Variants in PIR observed in about 807,000 individuals in gnomAD.
PIR encodes pirin, also known as pirin (iron-binding nuclear protein).
Under a neutral mutation model 24.2 loss-of-function variants are expected in PIR, and 22 were observed. The ratio of observed to expected loss-of-function variants is 0.91; its 90% CI spans 0.65 to 1.30. PIR has a LOEUF of 1.30. PIR is among the 50% of genes most tolerant of loss of function. The pLI is 0.00. For missense variants in PIR, 220 were observed against 220.3 expected (o/e 1.00, Z 0.01); for synonymous variants, 80 against 79.6 (o/e 1.00, Z -0.03).
At chrX:15,453,600 A>G (rs866704715) in intron 5 of PIR, among the ~76,000 whole-genome samples, 5 of 112,676 alleles carry the variant, frequency 4.4e-5, no homozygotes, top group Middle Eastern at 4.6e-3. Context: ...AAGACTGGTC[A>G]TTTACTTAGG....
chrX:15,401,200 G>T (rs1252381769), intron 7 of PIR, among the ~76,000 whole-genome samples: 5 of 108,896 alleles, frequency 4.6e-5, no homozygotes, highest in Non-Finnish European at 3.8e-5. Context: ...CCACAGGCAT[G>T]CACTACCATG....
At chrX:15,448,984 C>A (rs1197901116) in intron 5 of PIR, among the ~76,000 whole-genome samples, 1 of 112,161 alleles carries the variant, frequency 8.9e-6, no homozygotes, top group Non-Finnish European at 1.9e-5. Flanking sequence ...CAGGGAACTG[C>A]ATGATGTACA....
intron 3 of PIR, among the ~76,000 whole-genome samples, chrX:15,477,354 A>AT (rs1922247326): frequency 9.0e-6 from 1 of 111,640 alleles, no homozygotes; most frequent in East Asian, 2.8e-4. Context: ...GAATTAGAGA[A>AT]TACTAGACCA....
chrX:15,469,163 G>A (rs1921752767), intron 3 of PIR, among the ~76,000 whole-genome samples: 1 of 111,399 alleles, frequency 9.0e-6, no homozygotes, highest in African/African-American at 3.3e-5. Context: ...TTCAGATTGT[G>A]AAAGGTAAAA....
intron 3 of PIR, among the ~76,000 whole-genome samples, chrX:15,460,363 AATAG>A (rs1329258012): frequency 8.9e-6 from 1 of 112,086 alleles, no homozygotes; most frequent in Non-Finnish European, 1.9e-5. Context: ...TTGACCAATA[AATAG>A]ATAATGTGGT....
At chrX:15,481,962 C>T (rs1044846843) in intron 2 of PIR, among the ~76,000 whole-genome samples, 3 of 111,517 alleles carry the variant, frequency 2.7e-5, no homozygotes, top group African/African-American at 9.8e-5. Context: ...GCATTATGTT[C>T]TCATAGCCAA....
intron 6 of PIR, among the ~76,000 whole-genome samples, chrX:15,424,422 A>G (rs1052392844): frequency 3.7e-5 from 4 of 106,735 alleles, no homozygotes; most frequent in Non-Finnish European, 5.8e-5. Flanking sequence ...GGAGGGATAA[A>G]GAGAGATTGA....
chrX:15,448,838 T>A (rs1012513422), intron 5 of PIR, among the ~76,000 whole-genome samples: 1 of 112,088 alleles, frequency 8.9e-6, no homozygotes, highest in Non-Finnish European at 1.9e-5. Flanking sequence ...TTCTGGAGTA[T>A]CATGAGATTT....
At chrX:15,436,089 T>C (rs1023797109) in intron 5 of PIR, among the ~76,000 whole-genome samples, 4 of 112,391 alleles carry the variant, frequency 3.6e-5, no homozygotes, top group African/African-American at 1.3e-4. Flanking sequence ...AAAATGCCAA[T>C]GACTCTTTGT....
chrX:15,468,282 T>C (rs185794762), intron 3 of PIR, among the ~76,000 whole-genome samples: 4 of 112,697 alleles, frequency 3.5e-5, no homozygotes, highest in Non-Finnish European at 5.6e-5. Context: ...ATGCATGGCG[T>C]CTCTGCTTAA....
At chrX:15,444,226 C>T (rs937699305) in intron 5 of PIR, among the ~76,000 whole-genome samples, 5 of 112,065 alleles carry the variant, frequency 4.5e-5, no homozygotes, top group African/African-American at 1.6e-4. Context: ...CAGCAACCAC[C>T]ACTCTAATCA....
intron 3 of PIR, among the ~76,000 whole-genome samples, chrX:15,470,767 A>C (rs1459879848): frequency 9.2e-6 from 1 of 108,959 alleles, no homozygotes; most frequent in Non-Finnish European, 1.9e-5. Context: ...ACGCCCAGCT[A>C]ATTTTTTGTA....
chrX:15,408,775 G>A (rs1203736296), intron 6 of PIR, among the ~76,000 whole-genome samples: 2 of 112,043 alleles, frequency 1.8e-5, no homozygotes, highest in African/African-American at 3.2e-5. Context: ...GTCTCTGGAG[G>A]AGTCAGCGTG....
chrX:15,487,942 T>C (rs1361773630), intron 2 of PIR, among the ~76,000 whole-genome samples: 1 of 112,172 alleles, frequency 8.9e-6, no homozygotes, highest in African/African-American at 3.2e-5. Context: ...CCAAAGTTTA[T>C]GAGATATTTC....
Position 15,385,517 on chromosome X carries a change from T to C in PIR, c.761-401A>G, listed in dbSNP as rs766009955. Among the ~76,000 whole-genome samples the C allele has an allele frequency of 8.0e-5, 9 of 112,399 alleles. No individual in the cohort carries two copies. The South Asian group carries it at 3.0e-3, about 37-fold the overall frequency. ...AAGAACTGACAAATCTTATCATAGC[T>C]TTGGTGTCTAAGCAGCATATAAGGC... On this transcript the variant is annotated intron_variant, in intron 9 of 9. Transcript: ENST00000380420.
chrX:15,489,343 T>C (rs1027799908), intron 2 of PIR, among the ~76,000 whole-genome samples: 54 of 112,619 alleles, frequency 4.8e-4, no homozygotes, highest in African/African-American at 1.7e-3. Flanking sequence ...ATCCTATGTA[T>C]TTTATTTTAT....
At chrX:15,445,802 TGTATATTCAA>T (rs1216900546) in intron 5 of PIR, among the ~76,000 whole-genome samples, 1 of 108,024 alleles carries the variant, frequency 9.3e-6, no homozygotes, top group East Asian at 2.9e-4. Context: ...AAACGTCATC[TGTATATTCAA>T]GATATTTCTT....
intron 3 of PIR, among the ~76,000 whole-genome samples, chrX:15,468,901 G>T (rs761116092): frequency 1.8e-4 from 20 of 112,370 alleles, no homozygotes; most frequent in African/African-American, 6.1e-4. Flanking sequence ...CAGAACATTT[G>T]CCAAGACTAA....
chrX:15,469,022 C>A (rs1193660358), intron 3 of PIR, among the ~76,000 whole-genome samples: 2 of 111,656 alleles, frequency 1.8e-5, no homozygotes, highest in African/African-American at 6.5e-5. Context: ...ATCATGTCCC[C>A]TTGGTTTCTT....
Sources: gnomAD v4.1 joint callset for allele counts (sites outside exome capture counted in the v4.1 genomes callset) on GRCh38, gnomAD v4.1.1 for gene constraint, MANE v1.5 for transcripts, NCBI Gene and HGNC (gene_info 2026-07-23, HGNC 2026-07-21) for gene names.